Variants in DPP8 observed in about 807,000 individuals in gnomAD.
DPP8 encodes the protein dipeptidyl peptidase 8.
Under a neutral mutation model 107.5 loss-of-function variants are expected in DPP8, and 31 were observed. The observed-to-expected ratio is 0.29, with a 90% CI of 0.22 to 0.39. The LOEUF is 0.39. Ranked by LOEUF, DPP8 falls within the 10% of genes least tolerant of loss-of-function variation. DPP8 has a pLI of 1.00. For synonymous variants in DPP8, 381 were observed against 356.6 expected (o/e 1.07, Z -0.77); for missense variants, 842 against 1,076.1 (o/e 0.78, Z 3.04).
chr15:65,500,467 C>G (rs912943882), intron 4 of DPP8, 139 bp downstream of exon 4: 11 of 655,960 alleles, frequency 1.7e-5, no homozygotes, highest in Non-Finnish European at 2.6e-6. Flanking sequence ...CTCCATGTTT[C>G]TTGTTTTCAT....
intron 19 of DPP8, 175 bp downstream of exon 19, chr15:65,450,824 C>A (rs2063920586): frequency 5.9e-6 from 3 of 511,650 alleles, no homozygotes; most frequent in Non-Finnish European, 3.4e-6. Flanking sequence ...CTGACTGCAA[C>A]AGAATCTTAA....
chr15:65,493,479 C>T (rs1340251768), intron 5 of DPP8, among the ~76,000 whole-genome samples: 1 of 152,150 alleles, frequency 6.6e-6, no homozygotes, highest in African/African-American at 2.4e-5. Flanking sequence ...AATATTCCTG[C>T]AGTAAACTTA....
chr15:65,483,683 G>T lies in DPP8; in HGVS notation c.1017+1416C>A, dbSNP rs75247812. Among the ~76,000 whole-genome samples the T allele has an allele frequency of 3.1e-3, 467 of 151,776 alleles. 1 individual carries two copies. Among genetic ancestry groups the T allele is most frequent in the African/African-American group, 0.011 (450 of 41,382 alleles). ...AAACACTTTAGCAGTTCCACAAAAG[G>T]TTAAAAAAATAGTCATCCAATAACT... On this transcript the variant is annotated intron_variant, in intron 8 of 19. Transcript: ENST00000300141.
intron 10 of DPP8, among the ~76,000 whole-genome samples, chr15:65,479,945 T>A (rs564332893): frequency 1.3e-4 from 20 of 151,692 alleles, no homozygotes; most frequent in Middle Eastern, 3.4e-3. Flanking sequence ...ACTCATGAAG[T>A]CCTCTCAGGA....
chr15:65,448,589 G>A (rs561920329), intron 19 of DPP8, among the ~76,000 whole-genome samples: 4 of 147,232 alleles, frequency 2.7e-5, no homozygotes, highest in South Asian at 4.3e-4. Context: ...GTAGAATGGC[G>A]TGAACCCGGG....
intron 4 of DPP8, among the ~76,000 whole-genome samples, chr15:65,499,105 G>GTTTGTGTGTGTGTGTATA (rs1555468189): frequency 0.015 from 2,142 of 138,824 alleles, 69 homozygotes; most frequent in African/African-American, 0.054. Context: ...GTGTGTGTGT[G>GTTTGTGTGTGTGTGTATA]TATATATAAA....
chr15:65,478,007 T>G (rs1252495971), intron 11 of DPP8, among the ~76,000 whole-genome samples: 1 of 151,802 alleles, frequency 6.6e-6, no homozygotes, highest in African/African-American at 2.4e-5. Flanking sequence ...TATGTACCCA[T>G]TTACTTTTCC....
chr15:65,480,254 T>C lies in DPP8; in HGVS notation c.1264A>G (p.Ile422Val), dbSNP rs746990491. The C allele has an allele frequency of 1.4e-5, 23 of 1,613,620 alleles. No homozygotes were observed. The highest frequency in any genetic ancestry group is 1.7e-5 in the Non-Finnish European group (20 of 1,179,916). Residue 422 changes from isoleucine (I) to valine (V), a missense_variant, in exon 10 of 20, where the codon ATC becomes GTC. By Grantham distance (29) the Ile-to-Val change is conservative. This residue lies in a region of DPP8 where 663 missense variants were observed against 758.0 expected (regional missense o/e 0.87). Coordinates refer to ENST00000300141, the MANE Select transcript of DPP8 (RefSeq NM_130434.5). Reference protein sequence around the residue: ...SVPDSVTPLIIYEETTDIWIN... With the variant: ...SVPDSVTPLIVYEETTDIWIN... The stretch of plus-strand genomic sequence containing the variant: ...CAGATGTCTGTTGTTTCTTCATAGA[T>C]AATTAGTGGCGTCACAGAATCAGGC...
In DPP8 at chr15:65,512,549, G is replaced by C; in HGVS notation, c.5C>G (p.Ala2Gly). The change falls in exon 2 of 20, where the codon GCA becomes GGA. Residue 2 changes from alanine (A) to glycine (G), a missense_variant. Ala to Gly is a moderately conservative substitution (Grantham distance 60). Transcript: ENST00000300141. ...CAGCTGTTCTGTTTCCATTGCTGCTGCCATGTTGCATTTTCCTAGAAAAAC... is the reference window on the plus strand; with the variant it reads ...CAGCTGTTCTGTTTCCATTGCTGCTCCCATGTTGCATTTTCCTAGAAAAAC... M[A>G]AAMETEQLGV... is the part of the protein sequence containing the mutation. The C allele has an allele frequency of 6.2e-7, 1 of 1,614,014 alleles. No individual in the cohort carries two copies. The highest frequency in any genetic ancestry group is 8.5e-7 in the Non-Finnish European group (1 of 1,180,002).
chr15:65,478,989 C>T lies in DPP8; in HGVS notation c.1347G>A (p.Glu449=). ...VFPQSHEEEI[E]FIFASECKTG... ...TTTTGCATTCAGAGGCAAAAATAAA[C>T]TCAATTTCCTCTTCGTGACTTTGGG... is the stretch of plus-strand genomic sequence containing the variant. Residue 449 remains glutamate (E), a synonymous_variant, in exon 11 of 20, where the codon GAG becomes GAA. Transcript: ENST00000300141. 1.3e-6 allele frequency: 2 copies of T among 1,591,308 alleles called. No homozygotes were observed. The highest frequency in any genetic ancestry group is 8.5e-7 in the Non-Finnish European group (1 of 1,171,838).
chr15:65,513,587 G>GA (rs976651015), intron 1 of DPP8, among the ~76,000 whole-genome samples: 11 of 151,996 alleles, frequency 7.2e-5, no homozygotes, highest in Non-Finnish European at 1.6e-4. Context: ...TAAATGGCAG[G>GA]AAAAAAAGAT....
Position 65,456,348 on chromosome 15 carries a change from A to G in DPP8, c.1995T>C (p.Phe665=), listed in dbSNP as rs372135406. The G allele has an allele frequency of 6.2e-7, 1 of 1,613,484 alleles. No homozygotes were observed. The highest frequency in any genetic ancestry group is 8.5e-7 in the Non-Finnish European group (1 of 1,179,818). ...TCAAGCGGAAATACTTGACTCCTTT[A>G]AACCGATTATTCACCAACTGCACCT... ...GPQVQLVNNR[F]KGVKYFRLNT... The change falls in exon 16 of 20, where the codon TTT becomes TTC. Residue 665 remains phenylalanine (F), a synonymous_variant. Coordinates refer to ENST00000300141, the MANE Select transcript of DPP8 (RefSeq NM_130434.5).
chr15:65,512,470 A>T lies in DPP8; in HGVS notation c.84T>A (p.Asp28Glu), dbSNP rs986677558. 1.9e-6 allele frequency: 3 copies of T among 1,614,198 alleles called. No homozygotes were observed. The highest frequency in any genetic ancestry group is 2.5e-6 in the Non-Finnish European group (3 of 1,180,028). Residue 28 changes from aspartate to glutamate, a missense_variant, in exon 2 of 20, where the codon GAT becomes GAA. Asp to Glu is a conservative substitution (Grantham distance 45). Transcript: ENST00000300141. ...CATAAAAAGGCTCCAATTTAGGCCG[A>T]TCCTGTGATTCAATATTCTCCTCAC... Reference protein sequence around the residue: ...ADCEENIESQDRPKLEPFYVE... With the variant: ...ADCEENIESQERPKLEPFYVE...
rs1468762387 is a variant in DPP8, at chr15:65,442,976, C to T, written c.*3908G>A. Reference sequence around the variant, plus strand: ...AGATGGGCTCCCAGGCTTAAGCAAGCACTCTACTCTATATTCCAATCCTCA... The same window carrying T: ...AGATGGGCTCCCAGGCTTAAGCAAGTACTCTACTCTATATTCCAATCCTCA... On this transcript the variant is annotated 3_prime_UTR_variant, in exon 20 of 20. Coordinates refer to ENST00000300141, the MANE Select transcript of DPP8 (RefSeq NM_130434.5). The T allele has an allele frequency of 6.6e-6, 1 of 152,174 alleles. No individual in the cohort carries two copies. The highest frequency in any genetic ancestry group is 1.5e-5 in the Non-Finnish European group (1 of 68,036). 9.4% of individuals were successfully genotyped at this position (152,174 alleles called of 1,614,324 possible). A position where few individuals can be genotyped will look rare whatever the true frequency, so the allele number is the denominator to read the frequency against.
At position 65,475,708 on chromosome 15, in the gene DPP8, C is replaced by A. The variant is rs352465; in HGVS notation, c.1457-1420G>T. 2.2e-3 allele frequency: 1,188 copies of A among 538,732 alleles called. 13 individuals carry two copies. Among genetic ancestry groups the A allele is most frequent in the African/African-American group, 0.02 (1,026 of 51,974 alleles). The allele number at this position is 538,732 out of a possible 1,614,324, so 33.4% of individuals were successfully genotyped here. A position where few individuals can be genotyped will look rare whatever the true frequency, so the allele number is the denominator to read the frequency against. ...TTGTTCTTCATTTGCCAAAAAATAA[C>A]CCAGGTAAGTGTTTACCATAGCAAA... On this transcript the variant is annotated intron_variant, in intron 11 of 19. Coordinates refer to ENST00000300141, the MANE Select transcript of DPP8 (RefSeq NM_130434.5).
Position 65,480,317 on chromosome 15 carries a change from C to A in DPP8, c.1201G>T (p.Asp401Tyr), listed in dbSNP as rs1469647063. 6.2e-7 allele frequency: 1 copy of A among 1,613,708 alleles called. No homozygotes were observed. Among genetic ancestry groups the A allele is most frequent in the Admixed American group, 1.7e-5 (1 of 59,938 alleles). ...ISPELFIPVE[D>Y]DVMERQRLIE... is the part of the protein sequence containing the mutation. ...AGTCTCTGCCTTTCCATAACATCAT[C>A]TTCTACTGGGATAAATAATTCAGGT... Residue 401 changes from aspartate (D) to tyrosine (Y), a missense_variant, in exon 10 of 20, where the codon GAT becomes TAT. This residue lies in a region of DPP8 where 663 missense variants were observed against 758.0 expected (regional missense o/e 0.87). Transcript: ENST00000300141.
At chr15:65,510,819 G>A (rs1352986419) in intron 2 of DPP8, among the ~76,000 whole-genome samples, 1 of 152,198 alleles carries the variant, frequency 6.6e-6, no homozygotes, top group South Asian at 2.1e-4. Flanking sequence ...GAATACAGGT[G>A]TGTGCCACTG....
chr15:65,467,439 T>G (rs1425524903), intron 12 of DPP8, among the ~76,000 whole-genome samples: 1 of 152,222 alleles, frequency 6.6e-6, no homozygotes, highest in Non-Finnish European at 1.5e-5. Context: ...TGTAATGCAA[T>G]GATGCGATCA....
chr15:65,459,696 T>C (rs984889049), intron 15 of DPP8, among the ~76,000 whole-genome samples: 1 of 152,160 alleles, frequency 6.6e-6, no homozygotes, highest in African/African-American at 2.4e-5. Flanking sequence ...GGCTCACGCC[T>C]GTAATCCCAG....
Sources: gnomAD v4.1 joint callset for allele counts (sites outside exome capture counted in the v4.1 genomes callset) on GRCh38, gnomAD v4.1.1 for gene constraint, gnomAD v4.1.1 regional missense constraint, MANE v1.5 for transcripts, NCBI Gene and HGNC (gene_info 2026-07-23, HGNC 2026-07-21) for gene names.